Variants in ANKRD66 observed in about 807,000 individuals in gnomAD.
ANKRD66 encodes ankyrin repeat domain 66.
ANKRD66 carries 10 observed loss-of-function variants against 10.9 expected under a neutral mutation model. That is an observed-to-expected ratio of 0.91 (90% CI 0.56 to 1.55). The LOEUF is 1.55. Among genes scored for constraint, ANKRD66 ranks in the 40% most tolerant of loss-of-function variants. The pLI is 0.00. For synonymous variants in ANKRD66, 85 were observed against 88.4 expected, an observed-to-expected ratio of 0.96 and a Z score of 0.22; for missense variants, 252 against 242.9, an observed-to-expected ratio of 1.04 and a Z score of -0.25.
At position 46,749,877 on chromosome 6, in the gene ANKRD66, T is replaced by C. The variant is rs1562089913; in HGVS notation, c.-96-19T>C. 28 of 1,545,360 alleles carry C rather than the reference T, an allele frequency of 1.8e-5. No homozygotes were observed. Among genetic ancestry groups the C allele is most frequent in the Non-Finnish European group, 2.4e-5 (28 of 1,143,730 alleles). Reference sequence around the variant, plus strand: ...GCATTGCATTTTAATTACGTTTACTTTTCTTTCTCTCCCTCCAGGGCTGTT... The same window carrying C: ...GCATTGCATTTTAATTACGTTTACTCTTCTTTCTCTCCCTCCAGGGCTGTT... On this transcript the variant is annotated intron_variant, in intron 1 of 4. Transcript: ENST00000565422.
Position 46,753,809 on chromosome 6 carries a change from C to G in ANKRD66, c.251C>G (p.Ala84Gly). The G allele has an allele frequency of 6.4e-7, 1 of 1,551,702 alleles. No homozygotes were observed. Among genetic ancestry groups the G allele is most frequent in the Non-Finnish European group, 8.7e-7 (1 of 1,146,988 alleles). Residue 84 changes from alanine to glycine, a missense_variant, in exon 4 of 5, where the codon GCA becomes GGA. Transcript: ENST00000565422. ...TSVGWTPAHFAAEAGHLNILK... is the reference protein window; with the variant it reads ...TSVGWTPAHFGAEAGHLNILK... ...GTGGGCTGGACCCCAGCTCATTTTG[C>G]AGCAGAAGCAGGCCATCTGAATATA...
Position 46,747,387 on chromosome 6 carries a change from C to T in ANKRD66, c.-97+397C>T, listed in dbSNP as rs536875055. On this transcript the variant is annotated intron_variant, in intron 1 of 4. Transcript: ENST00000565422. ...TTTGGGCCTTTTGGAGTTGTGAAAG[C>T]ATCTAATCTAATTTAAGAACATTTC... Among the ~76,000 whole-genome samples, 94 of 152,288 alleles carry T rather than the reference C, an allele frequency of 6.2e-4. No homozygotes were observed. In the Middle Eastern group the frequency reaches 0.01, roughly 17 times the overall value.
intron 2 of ANKRD66, among the ~76,000 whole-genome samples, chr6:46,751,549 C>G (rs1451641841): frequency 6.6e-6 from 1 of 152,066 alleles, no homozygotes; most frequent in African/African-American, 2.4e-5. Context: ...TACATCCATT[C>G]TATAGATAAG....
chr6:46,749,443 A>G lies in ANKRD66; in HGVS notation c.-96-453A>G, dbSNP rs146094665. 4.2e-3 allele frequency among the ~76,000 whole-genome samples: 636 copies of G among 151,950 alleles called. 10 individuals are homozygous for G. The highest frequency in any genetic ancestry group is 0.015 in the African/African-American group (605 of 41,444). Reference sequence around the variant, plus strand: ...TCCACCTGAGGGCTCCAGGGTACAAAGAGGGTAGAAAGATCCACCCCAGGC... The same window carrying G: ...TCCACCTGAGGGCTCCAGGGTACAAGGAGGGTAGAAAGATCCACCCCAGGC... On this transcript the variant is annotated intron_variant, in intron 1 of 4. Coordinates refer to ENST00000565422, the MANE Select transcript of ANKRD66 (RefSeq NM_001162435.3).
At chr6:46,758,600 C>T in intron 4 of ANKRD66, 123 bp from the exon 5 acceptor site, 1 of 913,392 alleles carries the variant, frequency 1.1e-6, no homozygotes, top group Non-Finnish European at 1.5e-6. Context: ...TGGAAATGCT[C>T]AAACTTGGCC....
chr6:46,753,913 A>T lies in ANKRD66; in HGVS notation c.355A>T (p.Ile119Phe). 6.4e-7 allele frequency: 1 copy of T among 1,551,512 alleles called. No homozygotes were observed. Among genetic ancestry groups the T allele is most frequent in the Non-Finnish European group, 8.7e-7 (1 of 1,146,954 alleles). ...AGACACACCGAAGAGGATTGCACAG[A>T]TCTATGGACAGAAAGCCTGTGTGGC... The part of the protein sequence containing the change: ...FGDTPKRIAQ[I>F]YGQKACVAFL... The change falls in exon 4 of 5, where the codon ATC (isoleucine) becomes TTC (phenylalanine). Residue 119 changes from isoleucine to phenylalanine, a missense_variant. By Grantham distance (21) the Ile-to-Phe change is conservative. Transcript: ENST00000565422.
intron 4 of ANKRD66, among the ~76,000 whole-genome samples, chr6:46,755,902 AT>A (rs1271854827): frequency 3.9e-5 from 6 of 152,168 alleles, no homozygotes; most frequent in African/African-American, 1.4e-4. Context: ...AGTTTTCTGT[AT>A]TTTTATTGTG....
rs1032481136 is a variant in ANKRD66, at chr6:46,753,787, G to C, written c.229G>C (p.Gly77Arg). ...GARPCLVTSV[G>R]WTPAHFAAEA... The stretch of plus-strand genomic sequence containing the variant: ...CAGGCCCTGCCTGGTTACTAGTGTG[G>C]GCTGGACCCCAGCTCATTTTGCAGC... Residue 77 changes from glycine to arginine, a missense_variant, in exon 4 of 5, where the codon GGC becomes CGC. Physicochemically the swap from Gly to Arg is moderately radical, Grantham distance 125 (BLOSUM62 -2). Coordinates refer to ENST00000565422, the MANE Select transcript of ANKRD66 (RefSeq NM_001162435.3). 7.1e-6 allele frequency: 11 copies of C among 1,551,620 alleles called. No individual in the cohort carries two copies. The highest frequency in any genetic ancestry group is 9.6e-6 in the Non-Finnish European group (11 of 1,146,966).
intron 4 of ANKRD66, 114 bp from the exon 5 acceptor site, chr6:46,758,609 C>T (rs376473457): frequency 2.0e-6 from 2 of 1,018,848 alleles, no homozygotes; most frequent in East Asian, 2.7e-5. Context: ...TCAAACTTGG[C>T]CTCCTTCCTT....
intron 1 of ANKRD66, among the ~76,000 whole-genome samples, chr6:46,747,646 C>T (rs907303673): frequency 3.3e-5 from 5 of 152,108 alleles, no homozygotes; most frequent in Non-Finnish European, 7.4e-5. Context: ...TTTTTATTGC[C>T]AAATAAGAAT....
intron 4 of ANKRD66, chr6:46,756,023 T>C (rs531639247): frequency 1.2e-5 from 5 of 416,218 alleles, no homozygotes; most frequent in African/African-American, 2.1e-5. Context: ...TTTTTCATCT[T>C]GTAAAACTGA....
In ANKRD66 at chr6:46,747,005, G is replaced by A. The variant is rs1263721838; in HGVS notation, c.-97+15G>A. On this transcript the variant is annotated intron_variant, in intron 1 of 4. Coordinates refer to ENST00000565422, the MANE Select transcript of ANKRD66 (RefSeq NM_001162435.3). ...CACACAAGACAGTAAGTGTTTTTAA[G>A]TTACCCTCTCTTATTTACTATAGTT... 2.0e-6 allele frequency: 3 copies of A among 1,534,782 alleles called. No individual in the cohort carries two copies. Among genetic ancestry groups the A allele is most frequent in the South Asian group, 2.4e-5 (2 of 84,016 alleles).
At chr6:46,747,727 T>C (rs1470765353) in intron 1 of ANKRD66, among the ~76,000 whole-genome samples, 1 of 152,236 alleles carries the variant, frequency 6.6e-6, no homozygotes, top group Non-Finnish European at 1.5e-5. Context: ...GTTTCCACTT[T>C]TGCCTCTTAT....
Position 46,747,177 on chromosome 6 carries a change from A to G in ANKRD66, c.-97+187A>G, listed in dbSNP as rs536162798. Among the ~76,000 whole-genome samples, 47 of 152,262 alleles carry G rather than the reference A, an allele frequency of 3.1e-4. 1 individual carries two copies. Among genetic ancestry groups the G allele is most frequent in the African/African-American group, 1.0e-3 (43 of 41,568 alleles). On this transcript the variant is annotated intron_variant, in intron 1 of 4. Coordinates refer to ENST00000565422, the MANE Select transcript of ANKRD66 (RefSeq NM_001162435.3). ...TTCACAAGGATTGGTTACTAAAGGA[A>G]CCAATTGATAAATTTCAGTAGTCAA...
At chr6:46,750,009 C>T (rs1244207014) in intron 2 of ANKRD66, 30 bp downstream of exon 2, 11 of 1,219,928 alleles carry the variant, frequency 9.0e-6, no homozygotes, top group Non-Finnish European at 1.3e-5. Flanking sequence ...CAATAATTTG[C>T]ATTTCTAACA....
intron 2 of ANKRD66, 151 bp from the exon 3 acceptor site, chr6:46,751,786 C>A (rs1474473904): frequency 2.8e-6 from 2 of 714,808 alleles, no homozygotes; most frequent in East Asian, 6.9e-5. Context: ...GAGCTAAGGT[C>A]TAAGGACACA....
At position 46,759,127 on chromosome 6, in the gene ANKRD66, A is replaced by C. The variant is rs1766434798; in HGVS notation, c.*206A>C. The C allele has an allele frequency of 2.4e-6, 1 of 408,230 alleles. No individual in the cohort carries two copies. The highest frequency in any genetic ancestry group is 4.3e-6 in the Non-Finnish European group (1 of 233,208). 25.3% of individuals were successfully genotyped at this position (408,230 alleles called of 1,614,324 possible). A position where few individuals can be genotyped will look rare whatever the true frequency, so the allele number is the denominator to read the frequency against. Reference sequence around the variant, plus strand: ...ACAATAATTACCGGGAAAGGACAAAACCTGCTTGCATTTTGTCATCAGTGG... The same window carrying C: ...ACAATAATTACCGGGAAAGGACAAACCCTGCTTGCATTTTGTCATCAGTGG... On this transcript the variant is annotated 3_prime_UTR_variant, in exon 5 of 5. Transcript: ENST00000565422.
In ANKRD66 at chr6:46,749,997, C is replaced by A; in HGVS notation, c.-13+18C>A. ...CAGATTCTGTAAGTCTGGGGCTGAG[C>A]ACAATAATTTGCATTTCTAACAAGT... On this transcript the variant is annotated intron_variant, in intron 2 of 4. Transcript: ENST00000565422. 1.5e-6 allele frequency: 2 copies of A among 1,325,306 alleles called. No individual in the cohort carries two copies. Among genetic ancestry groups the A allele is most frequent in the Non-Finnish European group, 2.1e-6 (2 of 941,488 alleles). 82.1% of individuals were successfully genotyped at this position (1,325,306 alleles called of 1,614,324 possible). A position where few individuals can be genotyped will look rare whatever the true frequency, so the allele number is the denominator to read the frequency against.
At chr6:46,749,104 G>A (rs1221543267) in intron 1 of ANKRD66, among the ~76,000 whole-genome samples, 4 of 152,194 alleles carry the variant, frequency 2.6e-5, no homozygotes, top group Non-Finnish European at 5.9e-5. Context: ...AGCAAGCCCA[G>A]GCAATGCCCT....
Sources: allele counts gnomAD v4.1 joint callset (sites outside exome capture counted in the v4.1 genomes callset), GRCh38; gene constraint gnomAD v4.1.1; transcripts MANE v1.5; gene names NCBI Gene and HGNC (gene_info 2026-07-23, HGNC 2026-07-21).